Variants in PDK1 observed in about 807,000 individuals in gnomAD.
PDK1 encodes the protein [Pyruvate dehydrogenase (acetyl-transferring)] kinase isozyme 1, mitochondrial.
PDK1 carries 39 observed loss-of-function variants against 54.2 expected under a neutral mutation model. That is an observed-to-expected ratio of 0.72 (90% CI 0.56 to 0.94). PDK1 has a LOEUF of 0.94. PDK1 is among the 40% of genes least tolerant of loss of function. The probability of loss-of-function intolerance (pLI) is 0.00; values close to 1 mark genes in which losing one functional copy is unlikely to be tolerated. For synonymous variants in PDK1, 221 were observed against 207.1 expected, an observed-to-expected ratio of 1.07 and a Z score of -0.58; for missense variants, 552 against 566.0, an observed-to-expected ratio of 0.98 and a Z score of 0.25.
chr2:172,562,364 G>T (rs1167189640), intron 3 of PDK1, 73 bp downstream of exon 3: 1 of 902,656 alleles, frequency 1.1e-6, no homozygotes, highest in South Asian at 1.4e-5. Context: ...TAACTTTTAG[G>T]TTTCTACTAC....
At chr2:172,577,063 A>C (rs986383353) in intron 8 of PDK1, among the ~76,000 whole-genome samples, 1 of 152,128 alleles carries the variant, frequency 6.6e-6, no homozygotes, top group Admixed American at 6.5e-5. Context: ...ATCTCCAATT[A>C]TTGTTGAATT....
At chr2:172,639,491 T>G in the PDK1 span, among the ~76,000 whole-genome samples, 1 of 152,194 alleles carries the variant, frequency 6.6e-6, no homozygotes, top group Non-Finnish European at 1.5e-5. Context: ...CTTCCCTAAT[T>G]GGAGACAACC....
chr2:172,621,711 A>T, the PDK1 span, among the ~76,000 whole-genome samples: 14 of 138,100 alleles, frequency 1.0e-4, no homozygotes, highest in South Asian at 2.2e-4. Flanking sequence ...TTATATATCA[A>T]ACATGTTATA....
the PDK1 span, among the ~76,000 whole-genome samples, chr2:172,709,032 T>TTC: frequency 6.6e-6 from 1 of 151,042 alleles, no homozygotes; most frequent in Non-Finnish European, 1.5e-5. Flanking sequence ...GATTTGTTGT[T>TTC]TCTCTCTCTC....
chr2:172,626,838 A>G, the PDK1 span, among the ~76,000 whole-genome samples: 1 of 152,186 alleles, frequency 6.6e-6, no homozygotes, highest in Non-Finnish European at 1.5e-5. Flanking sequence ...AATCAATAAA[A>G]AACAAGATAA....
the PDK1 span, among the ~76,000 whole-genome samples, chr2:172,649,886 A>T: frequency 2.0e-5 from 3 of 152,210 alleles, no homozygotes; most frequent in Non-Finnish European, 4.4e-5. Context: ...AGTGATGGGG[A>T]GAATGGAACC....
chr2:172,558,715 G>A lies in PDK1; in HGVS notation c.204G>A (p.Val68=), dbSNP rs56296869. 1.5e-5 allele frequency: 24 copies of A among 1,603,808 alleles called. No individual in the cohort carries two copies. The East Asian group carries it at 3.4e-4, about 22-fold the overall frequency. ...CATCATGTTTGGTTTCAGGATCAGTGAATGCTTGTGAAAAGACCTCATTTA... is the reference window on the plus strand; with the variant it reads ...CATCATGTTTGGTTTCAGGATCAGTAAATGCTTGTGAAAAGACCTCATTTA... ...SMKQFLDFGS[V]NACEKTSFMF... Residue 68 remains valine, a synonymous_variant, in exon 2 of 11, where the codon GTG becomes GTA. Transcript: ENST00000282077.
chr2:172,685,550 A>AT, the PDK1 span, among the ~76,000 whole-genome samples: 1 of 152,360 alleles, frequency 6.6e-6, no homozygotes, highest in East Asian at 1.9e-4. Flanking sequence ...CATTTGTAAA[A>AT]TGAAAATTAT....
At chr2:172,559,508 T>G (rs1688541808) in intron 2 of PDK1, among the ~76,000 whole-genome samples, 1 of 152,212 alleles carries the variant, frequency 6.6e-6, no homozygotes, top group South Asian at 2.1e-4. Context: ...CCTTGCACAG[T>G]GGGTATGATT....
At chr2:172,571,029 C>T (rs13394924) in intron 8 of PDK1, among the ~76,000 whole-genome samples, 14,597 of 152,016 alleles carry the variant, frequency 0.096, 836 homozygotes, top group Middle Eastern at 0.12. Context: ...GCAGGTCCCC[C>T]GTCGAGGTGA....
chr2:172,622,630 T>TATGTGAGATATGTTTATATCTC, the PDK1 span, among the ~76,000 whole-genome samples: 65 of 145,786 alleles, frequency 4.5e-4, no homozygotes, highest in South Asian at 1.4e-3. Flanking sequence ...TTTATCTCAT[T>TATGTGAGATATGTTTATATCTC]ATGTGAGATA....
the PDK1 span, among the ~76,000 whole-genome samples, chr2:172,653,603 C>CA: frequency 4.5e-3 from 622 of 137,352 alleles, 3 homozygotes; most frequent in African/African-American, 0.011. Context: ...GACTCCATCT[C>CA]AAAAAAAAAA....
the PDK1 span, among the ~76,000 whole-genome samples, chr2:172,682,445 G>T: frequency 6.6e-6 from 1 of 152,222 alleles, no homozygotes; most frequent in Non-Finnish European, 1.5e-5. Flanking sequence ...TGATCCATAG[G>T]GAGTGTGGTG....
the PDK1 span, among the ~76,000 whole-genome samples, chr2:172,707,870 T>C: frequency 7.5e-3 from 1,148 of 152,320 alleles, 17 homozygotes; most frequent in African/African-American, 0.027. Flanking sequence ...CTTAAAGTTC[T>C]AAAGTTTCCA....
intron 3 of PDK1, among the ~76,000 whole-genome samples, 190 bp downstream of exon 3, chr2:172,562,481 A>G (rs559109704): frequency 6.6e-6 from 1 of 152,352 alleles, no homozygotes; most frequent in South Asian, 2.1e-4. Context: ...CTCTTTAACA[A>G]AAGACAAAGT....
chr2:172,565,402 C>T (rs1257761294), intron 5 of PDK1, among the ~76,000 whole-genome samples: 1 of 152,132 alleles, frequency 6.6e-6, no homozygotes, highest in Non-Finnish European at 1.5e-5. Context: ...CTCCTGAGTT[C>T]AAGCGATTGT....
chr2:172,584,267 C>G (rs1374792219), intron 8 of PDK1, among the ~76,000 whole-genome samples: 1 of 151,804 alleles, frequency 6.6e-6, no homozygotes, highest in African/African-American at 2.4e-5. Context: ...AAACCCCAAA[C>G]AAGAAGAGAA....
chr2:172,595,639 A>G (rs553360438), intron 10 of PDK1, among the ~76,000 whole-genome samples, 190 bp from the exon 11 acceptor site: 1 of 152,356 alleles, frequency 6.6e-6, no homozygotes, highest in South Asian at 2.1e-4. Context: ...AGTCAGTGCC[A>G]TAGATTTCAT....
the PDK1 span, among the ~76,000 whole-genome samples, chr2:172,700,502 T>C: frequency 0.2 from 27,891 of 141,446 alleles, 3,120 homozygotes; most frequent in African/African-American, 0.33. Context: ...CGGGAAGAGG[T>C]GCTCCTCACT....
Sources: allele counts gnomAD v4.1 joint callset (sites outside exome capture counted in the v4.1 genomes callset), GRCh38; gene constraint gnomAD v4.1.1; transcripts MANE v1.5; gene names NCBI Gene and HGNC (gene_info 2026-07-23, HGNC 2026-07-21).